Variants in PAK5 observed in about 807,000 individuals in gnomAD.
PAK5 encodes the protein p21 (RAC1) activated kinase 5.
A neutral mutation model predicts 65.9 loss-of-function variants in PAK5; 16 were observed. The ratio of observed to expected loss-of-function variants is 0.24; its 90% CI spans 0.16 to 0.37. PAK5 has a LOEUF of 0.37. PAK5 is among the 10% of genes least tolerant of loss of function. PAK5 has a pLI of 1.00. For missense variants in PAK5, 785 were observed against 903.9 expected, an observed-to-expected ratio of 0.87 and a Z score of 1.69; for synonymous variants, 371 against 354.9, an observed-to-expected ratio of 1.05 and a Z score of -0.51.
At chr20:9,657,328 C>G (rs571014994) in intron 2 of PAK5, among the ~76,000 whole-genome samples, 6 of 152,226 alleles carry the variant, frequency 3.9e-5, no homozygotes, top group African/African-American at 1.2e-4. Flanking sequence ...ATCAATAGTT[C>G]ATTCTTTTTT....
chr20:9,834,271 T>C (rs1448526433), intron 1 of PAK5, among the ~76,000 whole-genome samples: 2 of 152,204 alleles, frequency 1.3e-5, no homozygotes, highest in Non-Finnish European at 1.5e-5. Context: ...TGTTCCTCTG[T>C]TGAACTACAT....
intron 6 of PAK5, among the ~76,000 whole-genome samples, chr20:9,562,053 C>A (rs751972548): frequency 9.8e-5 from 15 of 152,308 alleles, no homozygotes; most frequent in African/African-American, 3.6e-4. Flanking sequence ...GCCTTCAATG[C>A]CCTTTTCCTC....
intron 1 of PAK5, among the ~76,000 whole-genome samples, chr20:9,718,777 T>C (rs1161858263): frequency 1.3e-5 from 2 of 152,222 alleles, no homozygotes; most frequent in East Asian, 3.8e-4. Flanking sequence ...TCTTCATCAC[T>C]CTGCCAATTT....
chr20:9,578,096 A>G (rs1467780314), intron 4 of PAK5, among the ~76,000 whole-genome samples: 1 of 152,172 alleles, frequency 6.6e-6, no homozygotes, highest in East Asian at 1.9e-4. Flanking sequence ...CCCCGAGATA[A>G]CATACGCCCA....
rs2045203928 is a variant in PAK5, at chr20:9,538,396, T to C, written c.*1066A>G. The stretch of plus-strand genomic sequence containing the variant: ...AAATATAGACAAGAGTTTGGTGTGC[T>C]AGCATACAGAGTTTTAAAAATGGTG... On this transcript the variant is annotated 3_prime_UTR_variant, in exon 10 of 10. Coordinates refer to ENST00000353224, the MANE Select transcript of PAK5 (RefSeq NM_177990.4). 1.3e-5 allele frequency: 3 copies of C among 233,656 alleles called. No individual in the cohort carries two copies. Among genetic ancestry groups the C allele is most frequent in the East Asian group, 1.2e-4 (2 of 16,554 alleles). 14.5% of individuals were successfully genotyped at this position (233,656 alleles called of 1,614,324 possible). A position where few individuals can be genotyped will look rare whatever the true frequency, so the allele number is the denominator to read the frequency against.
chr20:9,684,002 A>G (rs1179012638), intron 2 of PAK5, among the ~76,000 whole-genome samples: 9 of 152,198 alleles, frequency 5.9e-5, no homozygotes, highest in Non-Finnish European at 8.8e-5. Context: ...CTCTGCGGAC[A>G]GAGGAGAGTG....
intron 1 of PAK5, among the ~76,000 whole-genome samples, chr20:9,811,184 C>T (rs963833837): frequency 3.3e-5 from 5 of 152,128 alleles, no homozygotes; most frequent in African/African-American, 7.2e-5. Context: ...ATGATCCCCT[C>T]CTTATAAATT....
chr20:9,673,116 T>G (rs76992392), intron 2 of PAK5, among the ~76,000 whole-genome samples: 9,082 of 152,252 alleles, frequency 0.06, 266 homozygotes, highest in South Asian at 0.084. Context: ...ATAGAATGTT[T>G]TTAGTGTGTT....
intron 3 of PAK5, among the ~76,000 whole-genome samples, chr20:9,586,170 T>C (rs1181088230): frequency 6.6e-6 from 1 of 152,194 alleles, no homozygotes; most frequent in African/African-American, 2.4e-5. Flanking sequence ...AACCTATTAG[T>C]TCATCTTCAC....
intron 3 of PAK5, among the ~76,000 whole-genome samples, chr20:9,627,092 C>G (rs1292488372): frequency 6.6e-6 from 1 of 152,142 alleles, no homozygotes; most frequent in Non-Finnish European, 1.5e-5. Flanking sequence ...AGAAATAACT[C>G]TCAAAGGAAG....
chr20:9,747,654 C>G (rs1314399280), intron 1 of PAK5, among the ~76,000 whole-genome samples: 4 of 151,952 alleles, frequency 2.6e-5, no homozygotes, highest in Admixed American at 2.0e-4. Flanking sequence ...GCTAAAAACT[C>G]TCAATAAATT....
chr20:9,783,141 G>T (rs888672493), intron 1 of PAK5, among the ~76,000 whole-genome samples: 1 of 151,878 alleles, frequency 6.6e-6, no homozygotes, highest in African/African-American at 2.4e-5. Flanking sequence ...TCTCCATCTT[G>T]GTCAGGCTGG....
At chr20:9,696,049 G>A (rs1441036735) in intron 2 of PAK5, among the ~76,000 whole-genome samples, 1 of 151,892 alleles carries the variant, frequency 6.6e-6, no homozygotes. Context: ...TCAACATATG[G>A]CACTAGCCAC....
At chr20:9,823,816 T>TG (rs34369881) in intron 1 of PAK5, among the ~76,000 whole-genome samples, 46,106 of 151,916 alleles carry the variant, frequency 0.3, 7,569 homozygotes, top group Admixed American at 0.38. Context: ...GGTCTGTTTC[T>TG]GGGGGGGAAA....
In PAK5 at chr20:9,565,887, C is replaced by A. The variant is rs2045667848; in HGVS notation, c.1482+6G>T. ...AGAGAAAGGATGACCCAAACACACT[C>A]TTTACCTCATTGAAAAGCAGTTCTC... On this transcript the variant is annotated splice_donor_region_variant and intron_variant, in intron 5 of 9. Transcript: ENST00000353224. The A allele has an allele frequency of 6.2e-7, 1 of 1,609,144 alleles. No individual in the cohort carries two copies. Among genetic ancestry groups the A allele is most frequent in the South Asian group, 1.1e-5 (1 of 90,294 alleles).
chr20:9,828,884 C>T (rs1270328855), intron 1 of PAK5, among the ~76,000 whole-genome samples: 3 of 152,224 alleles, frequency 2.0e-5, no homozygotes, highest in South Asian at 2.1e-4. Context: ...TTCCTTCCCC[C>T]ATTATGTAAG....
chr20:9,584,470 G>A (rs564253439), intron 3 of PAK5, among the ~76,000 whole-genome samples: 22 of 152,076 alleles, frequency 1.4e-4, no homozygotes, highest in African/African-American at 2.9e-4. Flanking sequence ...TCACCACCAC[G>A]CCTGGCTAGT....
At chr20:9,559,283 A>G (rs1295476864) in intron 6 of PAK5, among the ~76,000 whole-genome samples, 6 of 152,196 alleles carry the variant, frequency 3.9e-5, no homozygotes, top group African/African-American at 1.4e-4. Flanking sequence ...GTAAATGACC[A>G]GAGCCCAAAT....
chr20:9,714,246 A>G (rs1381799198), intron 1 of PAK5, among the ~76,000 whole-genome samples: 2 of 152,154 alleles, frequency 1.3e-5, no homozygotes, highest in Admixed American at 6.5e-5. Context: ...TTTCCCTGAA[A>G]ATAATTGTAG....
Sources: gnomAD v4.1 joint callset for allele counts (sites outside exome capture counted in the v4.1 genomes callset) on GRCh38, gnomAD v4.1.1 for gene constraint, MANE v1.5 for transcripts, NCBI Gene and HGNC (gene_info 2026-07-23, HGNC 2026-07-21) for gene names.